LDLRAD3: variants seen among roughly 807,000 people sequenced by gnomAD.
LDLRAD3 encodes low-density lipoprotein receptor class A domain-containing protein 3.
Under a neutral mutation model 29.4 loss-of-function variants are expected in LDLRAD3, and 20 were observed. The ratio of observed to expected loss-of-function variants is 0.68; its 90% confidence interval spans 0.48 to 0.99. The LOEUF (loss-of-function observed/expected upper bound fraction) is 0.99, where lower values mean the gene tolerates loss of function less well. Ranked by LOEUF, LDLRAD3 falls within the 50% of genes least tolerant of loss-of-function variation. The pLI is 0.00. For missense variants in LDLRAD3, 420 were observed against 454.3 expected (o/e 0.92, Z 0.69); for synonymous variants, 157 against 192.7 (o/e 0.81, Z 1.53).
At chr11:36,008,108 G>A (rs6484810) in intron 1 of LDLRAD3, among the ~76,000 whole-genome samples, 60,970 of 151,918 alleles carry the variant, frequency 0.4, 12,649 homozygotes, top group South Asian at 0.55. Flanking sequence ...TAAAGGCTCC[G>A]GCACATGGAG....
At chr11:36,203,086 G>T (rs1214461226) in intron 4 of LDLRAD3, among the ~76,000 whole-genome samples, 1 of 151,938 alleles carries the variant, frequency 6.6e-6, no homozygotes, top group African/African-American at 2.4e-5. Flanking sequence ...ACAGGAGCAT[G>T]CCACCATGCC....
chr11:36,133,588 C>T (rs376885421), intron 4 of LDLRAD3, among the ~76,000 whole-genome samples: 2 of 140,042 alleles, frequency 1.4e-5, no homozygotes, highest in Non-Finnish European at 3.0e-5. Context: ...TGCTCTGTCA[C>T]CTAGGCTGTG....
At chr11:35,980,536 G>T (rs1226584737) in intron 1 of LDLRAD3, among the ~76,000 whole-genome samples, 1 of 152,194 alleles carries the variant, frequency 6.6e-6, no homozygotes, top group African/African-American at 2.4e-5. Context: ...GACACTATGA[G>T]AAATATTATT....
intron 1 of LDLRAD3, among the ~76,000 whole-genome samples, chr11:35,999,852 G>C (rs574854649): frequency 3.3e-4 from 51 of 152,294 alleles, no homozygotes; most frequent in African/African-American, 1.2e-3. Context: ...TATCCAGGCA[G>C]GGTGATCCTT....
intron 4 of LDLRAD3, among the ~76,000 whole-genome samples, chr11:36,155,383 C>T (rs937617325): frequency 2.6e-5 from 4 of 152,146 alleles, no homozygotes; most frequent in African/African-American, 4.8e-5. Flanking sequence ...TTTCTTCCTT[C>T]TTGTTTAAAG....
chr11:36,147,387 G>T (rs1854213655), intron 4 of LDLRAD3, among the ~76,000 whole-genome samples: 1 of 151,958 alleles, frequency 6.6e-6, no homozygotes, highest in Admixed American at 6.6e-5. Context: ...CAAAGTGCTG[G>T]GATTACAGGC....
At chr11:36,080,270 C>T (rs77972254) in intron 2 of LDLRAD3, among the ~76,000 whole-genome samples, 20,715 of 152,156 alleles carry the variant, frequency 0.14, 1,871 homozygotes, top group East Asian at 0.36. Flanking sequence ...AATCGCAAGC[C>T]GGAGCACCAG....
At chr11:36,126,954 C>CAA (rs1853847061) in intron 4 of LDLRAD3, among the ~76,000 whole-genome samples, 2 of 152,104 alleles carry the variant, frequency 1.3e-5, no homozygotes, top group African/African-American at 4.8e-5. Flanking sequence ...CAGAATCAGC[C>CAA]CAAAAGGAAA....
chr11:36,205,911 C>G (rs1382189107), intron 4 of LDLRAD3, among the ~76,000 whole-genome samples: 1 of 152,164 alleles, frequency 6.6e-6, no homozygotes, highest in African/African-American at 2.4e-5. Context: ...CCTGGAAGTT[C>G]CTGCTCCCTG....
chr11:36,101,892 T>A, intron 4 of LDLRAD3: 1 of 336,100 alleles, frequency 3.0e-6, no homozygotes, highest in South Asian at 2.3e-5. Flanking sequence ...CATCTTTTTT[T>A]TTTTTTTTTT....
chr11:36,102,508 C>T (rs1294334273), intron 4 of LDLRAD3, among the ~76,000 whole-genome samples: 1 of 150,002 alleles, frequency 6.7e-6, no homozygotes. Context: ...TCCTCTCTCT[C>T]CTTATCTGGG....
Position 36,230,731 on chromosome 11 carries a change from CTTTT to C in LDLRAD3, c.*1338_*1341del, listed in dbSNP as rs1369563105. On this transcript the variant is annotated 3_prime_UTR_variant, in exon 6 of 6. Coordinates refer to ENST00000315571, the MANE Select transcript of LDLRAD3 (RefSeq NM_174902.4). ...TTATATGTGTATAGGAAAGCTGTCTCTTTTTTTGTTTTTCCTTTAACAAGGTCCA... is the reference window on the plus strand; with the variant it reads ...TTATATGTGTATAGGAAAGCTGTCTCTTTGTTTTTCCTTTAACAAGGTCCA... The C allele has an allele frequency of 6.6e-6, 1 of 152,584 alleles. No homozygotes were observed. Among genetic ancestry groups the C allele is most frequent in the Non-Finnish European group, 1.5e-5 (1 of 68,020 alleles). 9.5% of individuals were successfully genotyped at this position (152,584 alleles called of 1,614,324 possible). A position where few individuals can be genotyped will look rare whatever the true frequency, so the allele number is the denominator to read the frequency against.
chr11:35,995,143 A>G (rs1004618188), intron 1 of LDLRAD3, among the ~76,000 whole-genome samples: 4 of 152,236 alleles, frequency 2.6e-5, no homozygotes, highest in African/African-American at 4.8e-5. Context: ...CTTGGCCCAT[A>G]TCCATCAAAG....
At chr11:36,170,306 A>G (rs200909772) in intron 4 of LDLRAD3, among the ~76,000 whole-genome samples, 11 of 30,124 alleles carry the variant, frequency 3.7e-4, no homozygotes, top group African/African-American at 4.9e-4. Context: ...ATATATATAC[A>G]TATATACGTA....
chr11:36,010,582 C>G (rs1278605805), intron 1 of LDLRAD3, among the ~76,000 whole-genome samples: 2 of 152,270 alleles, frequency 1.3e-5, no homozygotes, highest in South Asian at 4.1e-4. Flanking sequence ...TTGGCTTCTC[C>G]TTGTGTATAA....
intron 4 of LDLRAD3, among the ~76,000 whole-genome samples, chr11:36,219,119 T>C: frequency 6.6e-6 from 1 of 152,254 alleles, no homozygotes; most frequent in East Asian, 1.9e-4. Flanking sequence ...CATTGACATA[T>C]TGTCCATGAC....
intron 4 of LDLRAD3, among the ~76,000 whole-genome samples, chr11:36,121,177 G>C (rs10768183): frequency 6.6e-6 from 1 of 151,954 alleles, no homozygotes; most frequent in Non-Finnish European, 1.5e-5. Flanking sequence ...GACCAGAGGA[G>C]TAATCCAGAC....
intron 3 of LDLRAD3, among the ~76,000 whole-genome samples, chr11:36,088,211 CT>C (rs1853224157): frequency 6.6e-6 from 1 of 152,000 alleles, no homozygotes; most frequent in Non-Finnish European, 1.5e-5. Flanking sequence ...TGCCCTTTGA[CT>C]TTTTTTCCTT....
chr11:35,946,892 G>T (rs1180127544), intron 1 of LDLRAD3, among the ~76,000 whole-genome samples: 1 of 152,206 alleles, frequency 6.6e-6, no homozygotes, highest in African/African-American at 2.4e-5. Context: ...AGGCCTAAAA[G>T]AGGCCTTGTA....
Sources: allele counts gnomAD v4.1 joint callset (sites outside exome capture counted in the v4.1 genomes callset), GRCh38; gene constraint gnomAD v4.1.1; transcripts MANE v1.5; gene names NCBI Gene and HGNC (gene_info 2026-07-23, HGNC 2026-07-21).